C16orf89: variants seen among roughly 807,000 people sequenced by gnomAD.
C16orf89 encodes the protein UPF0764 protein C16orf89.
In C16orf89, 57 loss-of-function variants were observed where a neutral mutation model predicts 41.5. The ratio of observed to expected loss-of-function variants is 1.38; its 90% CI spans 1.11 to 1.71. C16orf89 has a LOEUF of 1.71. Among genes scored for constraint, C16orf89 ranks in the 40% most tolerant of loss-of-function variants. The pLI is 0.00. For synonymous variants in C16orf89, 223 were observed against 190.6 expected, an observed-to-expected ratio of 1.17 and a Z score of -1.40; for missense variants, 575 against 445.9, an observed-to-expected ratio of 1.29 and a Z score of -2.61.
At chr16:5,058,092 C>G (rs1050287170) in intron 4 of C16orf89, among the ~76,000 whole-genome samples, 1 of 151,984 alleles carries the variant, frequency 6.6e-6, no homozygotes, top group African/African-American at 2.4e-5. Flanking sequence ...GTGTAGCAGA[C>G]AGAACTACAC....
intron 6 of C16orf89, among the ~76,000 whole-genome samples, chr16:5,048,760 G>T (rs1236871834): frequency 1.3e-5 from 2 of 151,912 alleles, no homozygotes; most frequent in Non-Finnish European, 2.9e-5. Context: ...CTAGAGAAAA[G>T]CCCAAACAGC....
chr16:5,057,731 GT>G (rs1956540126), intron 4 of C16orf89, among the ~76,000 whole-genome samples: 1 of 151,866 alleles, frequency 6.6e-6, no homozygotes, highest in Non-Finnish European at 1.5e-5. Context: ...ATTTTACCAT[GT>G]TGGCCAGGCT....
chr16:5,062,702 A>C, intron 1 of C16orf89, 128 bp from the exon 2 acceptor site: 1 of 1,068,102 alleles, frequency 9.4e-7, no homozygotes, highest in East Asian at 2.7e-5. Context: ...TCCAGCACTC[A>C]GAGGGGAAGG....
chr16:5,061,809 G>A (rs2142671652), intron 2 of C16orf89, among the ~76,000 whole-genome samples: 1 of 152,274 alleles, frequency 6.6e-6, no homozygotes, highest in African/African-American at 2.4e-5. Context: ...GAGCAGAGGG[G>A]ACAGGGTTGG....
intron 6 of C16orf89, among the ~76,000 whole-genome samples, chr16:5,051,916 A>G (rs1473582264): frequency 6.6e-6 from 1 of 152,094 alleles, no homozygotes; most frequent in East Asian, 1.9e-4. Context: ...CTTGGCCAAC[A>G]TGTAGAAACC....
chr16:5,048,115 A>C, intron 6 of C16orf89, 151 bp from the exon 7 acceptor site: 1 of 590,138 alleles, frequency 1.7e-6, no homozygotes, highest in East Asian at 2.9e-5. Context: ...ACAACCTCGA[A>C]CTCCCAAGCT....
chr16:5,061,460 G>A (rs1328300821), intron 2 of C16orf89, among the ~76,000 whole-genome samples: 92 of 26,114 alleles, frequency 3.5e-3, no homozygotes, highest in Middle Eastern at 0.025. Flanking sequence ...AAAAAAAAAA[G>A]AGAGACAGAG....
chr16:5,055,423 A>T, intron 5 of C16orf89, 73 bp from the exon 6 acceptor site: 4 of 1,358,208 alleles, frequency 2.9e-6, no homozygotes, highest in Non-Finnish European at 4.1e-6. Context: ...CAGGGCTGCC[A>T]CGGTGCCACC....
At chr16:5,052,316 C>G (rs1430972082) in intron 6 of C16orf89, among the ~76,000 whole-genome samples, 1 of 151,494 alleles carries the variant, frequency 6.6e-6, no homozygotes, top group Non-Finnish European at 1.5e-5. Context: ...TGGCCAAGCG[C>G]AGTGGCTCAC....
In C16orf89 at chr16:5,053,157, G is replaced by T. The variant is rs181169747; in HGVS notation, c.868+2089C>A. On this transcript the variant is annotated intron_variant, in intron 6 of 7. Transcript: ENST00000472572. ...GGCCGAGGTGGGTGGATCACTTGAG[G>T]TCAGGAGTTCGTGACCAGCATGGCC... Among the ~76,000 whole-genome samples, 38 of 152,252 alleles carry T rather than the reference G, an allele frequency of 2.5e-4. No individual in the cohort carries two copies. The East Asian group carries it at 6.9e-3, about 28-fold the overall frequency.
chr16:5,052,067 A>G (rs1423213780), intron 6 of C16orf89, among the ~76,000 whole-genome samples: 1 of 147,088 alleles, frequency 6.8e-6, no homozygotes, highest in African/African-American at 2.5e-5. Context: ...GTGCTACGGC[A>G]CACCATCCTG....
chr16:5,058,020 G>A (rs1392081767), intron 4 of C16orf89, among the ~76,000 whole-genome samples: 4 of 152,020 alleles, frequency 2.6e-5, no homozygotes, highest in East Asian at 1.9e-4. Context: ...GTATGATAGG[G>A]GCCCTACTTC....
intron 1 of C16orf89, among the ~76,000 whole-genome samples, chr16:5,063,630 A>T (rs1412588256): frequency 6.6e-6 from 1 of 152,156 alleles, no homozygotes; most frequent in Admixed American, 6.5e-5. Context: ...CGATTCTCAC[A>T]GGAGTGTGAA....
intron 1 of C16orf89, among the ~76,000 whole-genome samples, chr16:5,065,394 C>G (rs1373865345): frequency 3.3e-5 from 5 of 152,198 alleles, no homozygotes; most frequent in Admixed American, 6.5e-5. Context: ...ACTCTCCCTG[C>G]TCCCCTTGTT....
At chr16:5,052,099 C>CAAAAAAAAAAAAAAAAAAAAAAAAAAA in intron 6 of C16orf89, among the ~76,000 whole-genome samples, 1 of 78,694 alleles carries the variant, frequency 1.3e-5, no homozygotes. Context: ...GAGACTGTCT[C>CAAAAAAAAAAAAAAAAAAAAAAAAAAA]AAAAAAAAAA....
chr16:5,061,546 G>C (rs1035584794), intron 2 of C16orf89, among the ~76,000 whole-genome samples: 1 of 150,724 alleles, frequency 6.6e-6, no homozygotes, highest in Non-Finnish European at 1.5e-5. Context: ...GGAATTAGTG[G>C]GGAGGTGATA....
In C16orf89 at chr16:5,057,334, A is replaced by G. The variant is rs148809250; in HGVS notation, c.628-1146T>C. ...GGTATATATATACATAGTGGTGTAT[A>G]TATATAGTGGTATATATAGTGATTA... On this transcript the variant is annotated intron_variant, in intron 4 of 7. Transcript: ENST00000472572. Among the ~76,000 whole-genome samples, 1,280 of 147,228 alleles carry G rather than the reference A, an allele frequency of 8.7e-3. 15 individuals carry two copies. Among genetic ancestry groups the G allele is most frequent in the Middle Eastern group, 0.032 (9 of 280 alleles).
chr16:5,060,499 C>A, intron 2 of C16orf89, 63 bp from the exon 3 acceptor site: 2 of 1,495,900 alleles, frequency 1.3e-6, no homozygotes, highest in Non-Finnish European at 1.8e-6. Flanking sequence ...GTGGGCCACC[C>A]TGGTGTCCCC....
intron 6 of C16orf89, 38 bp downstream of exon 6, chr16:5,055,208 C>T (rs1183896563): frequency 9.9e-6 from 15 of 1,519,878 alleles, no homozygotes; most frequent in Admixed American, 1.8e-5. Flanking sequence ...CCCACCCCCA[C>T]TGCCCCCCTT....
Sources: gnomAD v4.1 joint callset for allele counts (sites outside exome capture counted in the v4.1 genomes callset) on GRCh38, gnomAD v4.1.1 for gene constraint, MANE v1.5 for transcripts, NCBI Gene and HGNC (gene_info 2026-07-23, HGNC 2026-07-21) for gene names.